The following RIF1 variants were observed in gnomAD, a reference collection of about 807,000 sequenced individuals.
RIF1 encodes the protein replication timing regulatory factor 1.
RIF1 carries 45 observed loss-of-function variants against 247.1 expected under a neutral mutation model. The ratio of observed to expected loss-of-function variants is 0.18; its 90% CI spans 0.14 to 0.23. RIF1 has a LOEUF of 0.23. Ranked by LOEUF, RIF1 falls within the 10% of genes least tolerant of loss-of-function variation. The pLI is 1.00. For synonymous variants in RIF1, 1,087 were observed against 978.8 expected (o/e 1.11, Z -2.06); for missense variants, 2,967 against 2,862.5 (o/e 1.04, Z -0.83).
intron 16 of RIF1, 124 bp from the exon 17 acceptor site, chr2:151,443,135 C>A: frequency 1.5e-6 from 1 of 646,922 alleles, no homozygotes; most frequent in Non-Finnish European, 2.7e-6. Context: ...GTTGTCATAC[C>A]CTAAGTAATG....
intron 22 of RIF1, 38 bp from the exon 23 acceptor site, chr2:151,456,540 G>C: frequency 8.7e-7 from 1 of 1,146,896 alleles, no homozygotes; most frequent in Non-Finnish European, 1.3e-6. Context: ...GTGTTAACTT[G>C]CAGAAATATA....
At chr2:151,531,308 CTTTTTTTTTTTTTTTT>C in the RIF1 span, among the ~76,000 whole-genome samples, 4 of 84,010 alleles carry the variant, frequency 4.8e-5, no homozygotes, top group East Asian at 3.8e-4. Context: ...TTTTTTCTTT[CTTTTTTTTTTTTTTTT>C]TTTTTTTTTT....
rs1263228739 is a variant in RIF1, at chr2:151,420,321, C to A, written c.635C>A (p.Pro212Gln). Residue 212 changes from proline to glutamine, a missense_variant, in exon 7 of 36, where the codon CCA (proline) becomes CAA (glutamine). Pro to Gln is a moderately conservative substitution (Grantham distance 76, BLOSUM62 -1). Transcript: ENST00000444746. ...GCAACTGCTCTGGAGATGGGAATGC[C>A]ATTATTGCTTCAGAAACAGCAAGAA... is the stretch of plus-strand genomic sequence containing the variant. ...RGATALEMGM[P>Q]LLLQKQQEIA... 1.2e-6 allele frequency: 2 copies of A among 1,614,120 alleles called. No individual in the cohort carries two copies. The highest frequency in any genetic ancestry group is 4.5e-5 in the East Asian group (2 of 44,884).
At chr2:151,530,746 G>T in the RIF1 span, 1 of 372,322 alleles carries the variant, frequency 2.7e-6, no homozygotes, top group Non-Finnish European at 4.8e-6. Flanking sequence ...GGCTAGCCAT[G>T]GGAGTGAGCC....
intron 34 of RIF1, 89 bp downstream of exon 34, chr2:151,469,953 G>A: frequency 1.1e-6 from 1 of 871,850 alleles, no homozygotes; most frequent in Non-Finnish European, 1.7e-6. Context: ...ACTTCATAAT[G>A]GCACAGGGAA....
chr2:151,519,091 A>G, the RIF1 span: 1 of 1,462,472 alleles, frequency 6.8e-7, no homozygotes. Flanking sequence ...GGGGGAAGAA[A>G]GGAAATCACG....
chr2:151,410,080 A>G lies in RIF1; in HGVS notation c.-11+47A>G, dbSNP rs578046854. Reference sequence around the variant, plus strand: ...CAGTGGTAGGCCGCGGGGAACCCTCAGTCTGCCCACCCTCCGCCCCCTCGC... The same window carrying G: ...CAGTGGTAGGCCGCGGGGAACCCTCGGTCTGCCCACCCTCCGCCCCCTCGC... On this transcript the variant is annotated intron_variant, in intron 1 of 35. Transcript: ENST00000444746. The G allele has an allele frequency of 2.1e-4, 145 of 701,566 alleles. 1 individual carries two copies. The South Asian group carries it at 2.1e-3, about 10-fold the overall frequency. 43.5% of individuals were successfully genotyped at this position (701,566 alleles called of 1,614,324 possible).
At chr2:151,452,476 T>G (rs1388669744) in intron 21 of RIF1, among the ~76,000 whole-genome samples, 1 of 152,224 alleles carries the variant, frequency 6.6e-6, no homozygotes, top group Non-Finnish European at 1.5e-5. Flanking sequence ...AGATTTGCCA[T>G]TGATGAGTTT....
chr2:151,484,189 AT>A (rs2049344322), downstream of RIF1, among the ~76,000 whole-genome samples: 1 of 152,156 alleles, frequency 6.6e-6, no homozygotes, highest in Admixed American at 6.5e-5. Context: ...CATGTTGAAC[AT>A]TTTCCAGGCT....
the RIF1 span, chr2:151,525,287 G>C: frequency 1.6e-5 from 25 of 1,569,510 alleles, no homozygotes; most frequent in Non-Finnish European, 2.1e-5. Flanking sequence ...AATAGAGCCA[G>C]AATTACTTTT....
intron 27 of RIF1, among the ~76,000 whole-genome samples, chr2:151,461,660 G>A (rs540273738): frequency 1.0e-3 from 155 of 152,196 alleles, no homozygotes; most frequent in African/African-American, 3.5e-3. Context: ...CCAAAGTGCT[G>A]GGATTACAGG....
chr2:151,427,538 T>G (rs1408201422), intron 8 of RIF1, among the ~76,000 whole-genome samples: 4 of 148,034 alleles, frequency 2.7e-5, no homozygotes, highest in African/African-American at 7.5e-5. Flanking sequence ...TTTTTTTTTG[T>G]TTTTTTTTCT....
In RIF1 at chr2:151,460,014, A is replaced by G. The variant is rs1186311049; in HGVS notation, c.2970A>G (p.Gln990=). The part of the protein sequence containing the change: ...GPYSDGTENS[Q]LNVKISGMER... ...TAATAAAACAGACAGAAAATTCACAACTAAATGTGAAGATAAGTGGCATGG... is the reference window on the plus strand; with the variant it reads ...TAATAAAACAGACAGAAAATTCACAGCTAAATGTGAAGATAAGTGGCATGG... Residue 990 remains glutamine (Q), a synonymous_variant, in exon 26 of 36, where the codon CAA becomes CAG. Coordinates refer to ENST00000444746, the MANE Select transcript of RIF1 (RefSeq NM_018151.5). 6.5e-7 allele frequency: 1 copy of G among 1,539,422 alleles called. No individual in the cohort carries two copies. Among genetic ancestry groups the G allele is most frequent in the East Asian group, 2.3e-5 (1 of 42,638 alleles).
intron 8 of RIF1, 110 bp from the exon 9 acceptor site, chr2:151,428,674 A>G (rs1204867943): frequency 1.3e-6 from 1 of 790,584 alleles, no homozygotes; most frequent in African/African-American, 1.7e-5. Context: ...TCTCCCCATT[A>G]GATTATGAAG....
the RIF1 span, chr2:151,516,525 T>C: frequency 6.2e-7 from 1 of 1,613,134 alleles, no homozygotes. Flanking sequence ...CCAGCATGGG[T>C]TTTCCTCGTT....
In RIF1 at chr2:151,465,148, T is replaced by A. The variant is rs138726655; in HGVS notation, c.5628T>A (p.Ser1876=). The A allele has an allele frequency of 1.2e-6, 2 of 1,613,654 alleles. No individual in the cohort carries two copies. The highest frequency in any genetic ancestry group is 1.7e-6 in the Non-Finnish European group (2 of 1,179,902). ...LGDSKNVSQE[S]LETKEEKPEE... ...ACTCGAAAAATGTTTCACAGGAATCTTTGGAGACAAAAGAAGAAAAACCAG... is the reference window on the plus strand; with the variant it reads ...ACTCGAAAAATGTTTCACAGGAATCATTGGAGACAAAAGAAGAAAAACCAG... Residue 1876 remains serine (S), a synonymous_variant, in exon 30 of 36, where the codon TCT becomes TCA. Coordinates refer to ENST00000444746, the MANE Select transcript of RIF1 (RefSeq NM_018151.5).
At chr2:151,502,539 T>C (rs1234910197) in intron 11 of RIF1, among the ~76,000 whole-genome samples, 1 of 152,094 alleles carries the variant, frequency 6.6e-6, no homozygotes, top group African/African-American at 2.4e-5. Context: ...CCTACTGTTA[T>C]TAAAGGAGGA....
intron 9 of RIF1, among the ~76,000 whole-genome samples, chr2:151,429,225 G>T (rs1343852026): frequency 6.6e-6 from 1 of 152,116 alleles, no homozygotes; most frequent in Non-Finnish European, 1.5e-5. Flanking sequence ...CTCTTGCCCA[G>T]GCTGGAGTGC....
intron 33 of RIF1, among the ~76,000 whole-genome samples, chr2:151,469,401 A>G (rs1245246404): frequency 6.6e-6 from 1 of 152,180 alleles, no homozygotes; most frequent in Admixed American, 6.5e-5. Flanking sequence ...TGTATCAGAC[A>G]TACCAAGTCC....
Sources: gnomAD v4.1 joint callset for allele counts (sites outside exome capture counted in the v4.1 genomes callset) on GRCh38, gnomAD v4.1.1 for gene constraint, MANE v1.5 for transcripts, NCBI Gene and HGNC (gene_info 2026-07-23, HGNC 2026-07-21) for gene names.